The following ATP2C2 variants were observed in gnomAD, a reference collection of about 807,000 sequenced individuals.
ATP2C2 encodes the protein calcium-transporting ATPase type 2C member 2.
ATP2C2 carries 171 observed loss-of-function variants against 110.8 expected under a neutral mutation model. The ratio of observed to expected loss-of-function variants is 1.54; its 90% CI spans 1.36 to 1.75. ATP2C2 has a LOEUF of 1.75. Ranked by LOEUF, ATP2C2 falls within the 40% of genes most tolerant of loss-of-function variation. The pLI, the probability that ATP2C2 is intolerant of heterozygous loss-of-function variation, is 0.00. For synonymous variants in ATP2C2, 804 were observed against 508.4 expected (o/e 1.58, Z -7.82); for missense variants, 1,963 against 1,235.0 (o/e 1.59, Z -8.84).
At chr16:84,391,097 G>C (rs1426863546) in intron 1 of ATP2C2, among the ~76,000 whole-genome samples, 1 of 127,590 alleles carries the variant, frequency 7.8e-6, no homozygotes, top group African/African-American at 3.0e-5. Context: ...CTGGGTGACA[G>C]AGTGAGACTC....
chr16:84,432,145 C>T (rs1597824786), intron 11 of ATP2C2, among the ~76,000 whole-genome samples: 2 of 152,130 alleles, frequency 1.3e-5, no homozygotes, highest in Non-Finnish European at 1.5e-5. Flanking sequence ...TTTTCGGGAA[C>T]AGGTGGTGTT....
In ATP2C2 at chr16:84,369,767, T is replaced by C. The variant is rs550158771; in HGVS notation, c.99+1053T>C. ...TTAAGTATTCGTGCTTTTTTAAAAA[T>C]AGTGTTTTGTGCTTTTTTAAAAATA... On this transcript the variant is annotated intron_variant, in intron 1 of 26. Coordinates refer to ENST00000262429, the MANE Select transcript of ATP2C2 (RefSeq NM_014861.4). 8.5e-5 allele frequency among the ~76,000 whole-genome samples: 13 copies of C among 152,344 alleles called. No individual in the cohort carries two copies. The South Asian group carries it at 2.7e-3, about 32-fold the overall frequency.
intron 11 of ATP2C2, among the ~76,000 whole-genome samples, chr16:84,436,144 C>G (rs1428243224): frequency 6.6e-6 from 1 of 152,212 alleles, no homozygotes. Context: ...AACCCAGCCA[C>G]CCTTGTGTGA....
At position 84,410,732 on chromosome 16, in the gene ATP2C2, A is replaced by T; in HGVS notation, c.482A>T (p.Glu161Val). ...TACAGGTCGGAGAAATCTCTGGAAG[A>T]GCTGACCAAGCTGGTTCCTCCAGAA... ...QEYRSEKSLE[E>V]LTKLVPPECN... Residue 161 changes from glutamate to valine, a missense_variant, in exon 6 of 27, where the codon GAG becomes GTG. Physicochemically the swap from Glu to Val is moderately radical, Grantham distance 121. Transcript: ENST00000262429. The T allele has an allele frequency of 6.2e-7, 1 of 1,614,172 alleles. No homozygotes were observed. Among genetic ancestry groups the T allele is most frequent in the Non-Finnish European group, 8.5e-7 (1 of 1,180,018 alleles).
intron 7 of ATP2C2, among the ~76,000 whole-genome samples, chr16:84,421,966 T>TA (rs1186898168): frequency 1.3e-5 from 2 of 152,160 alleles, no homozygotes; most frequent in Non-Finnish European, 2.9e-5. Flanking sequence ...TTTCTGGTGT[T>TA]ACTGTTGCCT....
intron 14 of ATP2C2, among the ~76,000 whole-genome samples, chr16:84,441,778 T>C (rs905115863): frequency 6.6e-6 from 1 of 152,062 alleles, no homozygotes; most frequent in African/African-American, 2.4e-5. Context: ...AAAAATTAGC[T>C]GGGCATGGTG....
intron 1 of ATP2C2, among the ~76,000 whole-genome samples, chr16:84,397,809 G>T (rs1905087230): frequency 6.6e-6 from 1 of 151,928 alleles, no homozygotes; most frequent in African/African-American, 2.4e-5. Context: ...TTAGCGTACT[G>T]TTGCTACATG....
At chr16:84,420,475 T>TC (rs1218936790) in intron 7 of ATP2C2, among the ~76,000 whole-genome samples, 5 of 151,080 alleles carry the variant, frequency 3.3e-5, no homozygotes, top group East Asian at 1.9e-4. Context: ...TTTCTTTCTT[T>TC]TTTTTTTTTT....
intron 10 of ATP2C2, among the ~76,000 whole-genome samples, chr16:84,424,524 C>T (rs1206982408): frequency 2.7e-5 from 4 of 150,222 alleles, no homozygotes; most frequent in African/African-American, 7.4e-5. Context: ...GTGATCTGCC[C>T]GCCTTGGCCT....
At chr16:84,421,231 G>A (rs1018354750) in intron 7 of ATP2C2, among the ~76,000 whole-genome samples, 7 of 152,210 alleles carry the variant, frequency 4.6e-5, no homozygotes, top group Admixed American at 2.0e-4. Context: ...CTGGAGCCGC[G>A]GGAGCCACAG....
intron 2 of ATP2C2, 136 bp downstream of exon 2, chr16:84,398,745 G>A (rs1451796245): frequency 3.0e-6 from 2 of 673,240 alleles, no homozygotes; most frequent in Non-Finnish European, 4.8e-6. Flanking sequence ...AAATATTGTT[G>A]ATGTTGAATG....
rs185109427 is a variant in ATP2C2, at chr16:84,381,212, G to C, written c.99+12498G>C. The stretch of plus-strand genomic sequence containing the variant: ...TCTTTCAGAGTACCTTCTTAAGGGT[G>C]GGGGAGATTACAAAGTACATTGATC... On this transcript the variant is annotated intron_variant, in intron 1 of 26. Transcript: ENST00000262429. Among the ~76,000 whole-genome samples the C allele has an allele frequency of 5.3e-5, 8 of 152,156 alleles. No homozygotes were observed. The East Asian group carries it at 1.5e-3, about 29-fold the overall frequency.
At chr16:84,417,262 C>T (rs1279782333) in intron 7 of ATP2C2, among the ~76,000 whole-genome samples, 1 of 152,142 alleles carries the variant, frequency 6.6e-6, no homozygotes, top group Non-Finnish European at 1.5e-5. Flanking sequence ...GGCTGCCGTA[C>T]TGCAGTGTGT....
chr16:84,459,917 C>G (rs442843), intron 23 of ATP2C2: 125,771 of 278,260 alleles, frequency 0.45, 29,538 homozygotes, highest in Non-Finnish European at 0.49. Flanking sequence ...CCCGCTCCGC[C>G]ACTTAATATC....
chr16:84,439,202 C>A lies in ATP2C2; in HGVS notation c.1023C>A (p.Ile341=), dbSNP rs371072369. Residue 341 remains isoleucine, a synonymous_variant, in exon 12 of 27, where the codon ATC becomes ATA. Transcript: ENST00000262429. The part of the protein sequence containing the change: ...AVAAIPEGLP[I]VVMVTLVLGV... ...CGGCCATTCCAGAGGGTCTGCCCATCGTCGTCATGGTGACGCTGGTCCTGG... is the reference window on the plus strand; with the variant it reads ...CGGCCATTCCAGAGGGTCTGCCCATAGTCGTCATGGTGACGCTGGTCCTGG... The A allele has an allele frequency of 5.0e-6, 8 of 1,612,156 alleles. No homozygotes were observed. In the African/African-American group the frequency reaches 6.7e-5, roughly 13 times the overall value.
Position 84,461,998 on chromosome 16 carries a change from T to C in ATP2C2, c.2591T>C (p.Ile864Thr). Reference sequence around the variant, plus strand: ...ACCTTCTCCCTGCAGACCAAGCTGATATTTGAGATCGGCTTTCTCAGGAAC... The same window carrying C: ...ACCTTCTCCCTGCAGACCAAGCTGACATTTGAGATCGGCTTTCTCAGGAAC... ...ALTCRSQTKL[I>T]FEIGFLRNHM... The change falls in exon 26 of 27, where the codon ATA (isoleucine) becomes ACA (threonine). Residue 864 changes from isoleucine to threonine, a missense_variant. Coordinates refer to ENST00000262429, the MANE Select transcript of ATP2C2 (RefSeq NM_014861.4). The C allele has an allele frequency of 6.2e-7, 1 of 1,613,686 alleles. No homozygotes were observed. Among genetic ancestry groups the C allele is most frequent in the Non-Finnish European group, 8.5e-7 (1 of 1,179,674 alleles).
intron 23 of ATP2C2, 112 bp downstream of exon 23, chr16:84,459,498 T>C (rs746162693): frequency 6.3e-7 from 1 of 1,582,890 alleles, no homozygotes; most frequent in Non-Finnish European, 8.6e-7. Flanking sequence ...ACAGCCACTT[T>C]CCATCAGGAG....
At chr16:84,411,464 TAG>T (rs1906281038) in intron 6 of ATP2C2, among the ~76,000 whole-genome samples, 2 of 152,284 alleles carry the variant, frequency 1.3e-5, no homozygotes, top group South Asian at 2.1e-4. Context: ...TTTTTTAAGA[TAG>T]AGTCTTGCTC....
chr16:84,410,519 C>T (rs780942936), intron 4 of ATP2C2, 49 bp from the exon 5 acceptor site: 3 of 1,597,734 alleles, frequency 1.9e-6, no homozygotes, highest in Admixed American at 3.3e-5. Context: ...CCCTGTCCCC[C>T]CTCCCACTGA....
Sources: gnomAD v4.1 joint callset for allele counts (sites outside exome capture counted in the v4.1 genomes callset) on GRCh38, gnomAD v4.1.1 for gene constraint, MANE v1.5 for transcripts, NCBI Gene and HGNC (gene_info 2026-07-23, HGNC 2026-07-21) for gene names.